FBXW11: variants seen among roughly 807,000 people sequenced by gnomAD.
FBXW11 encodes F-box and WD repeat domain containing 11.
A neutral mutation model predicts 77.6 loss-of-function variants in FBXW11; 19 were observed. That is an observed-to-expected ratio of 0.24 (90% CI 0.17 to 0.36). The LOEUF is 0.36. FBXW11 is among the 10% of genes least tolerant of loss of function. FBXW11 has a pLI of 1.00. For synonymous variants in FBXW11, 235 were observed against 249.4 expected (o/e 0.94, Z 0.54); for missense variants, 334 against 704.2 (o/e 0.47, Z 5.95).
intron 7 of FBXW11, among the ~76,000 whole-genome samples, chr5:171,891,258 G>C (rs1213953893): frequency 6.6e-6 from 1 of 152,072 alleles, no homozygotes; most frequent in Admixed American, 6.6e-5. Context: ...AATGTGCTTA[G>C]AGAAGGATAA....
intron 5 of FBXW11, 45 bp from the exon 6 acceptor site, chr5:171,899,139 G>T (rs745925723): frequency 5.3e-6 from 7 of 1,320,458 alleles, no homozygotes; most frequent in Non-Finnish European, 7.5e-6. Flanking sequence ...GCACATAAAA[G>T]GGTGAATTTT....
intron 1 of FBXW11, among the ~76,000 whole-genome samples, chr5:171,985,965 A>T (rs994510214): frequency 6.6e-6 from 1 of 152,098 alleles, no homozygotes; most frequent in Non-Finnish European, 1.5e-5. Context: ...AAAAATTAAA[A>T]ATGTATATGA....
chr5:171,908,530 C>T (rs1760675733), intron 4 of FBXW11, among the ~76,000 whole-genome samples: 1 of 152,120 alleles, frequency 6.6e-6, no homozygotes, highest in Non-Finnish European at 1.5e-5. Context: ...AGATCCCCTT[C>T]AGCAATTAAA....
intron 5 of FBXW11, among the ~76,000 whole-genome samples, chr5:171,899,659 G>A (rs1035805403): frequency 6.7e-6 from 1 of 149,372 alleles, no homozygotes; most frequent in African/African-American, 2.5e-5. Context: ...AAAATGTGAA[G>A]GAAAAAACAT....
chr5:171,873,161 A>T lies in FBXW11; in HGVS notation c.1222-171T>A, dbSNP rs572021681. 3.9e-4 allele frequency among the ~76,000 whole-genome samples: 59 copies of T among 152,280 alleles called. 3 individuals carry two copies. The South Asian group carries it at 0.011, about 28-fold the overall frequency. On this transcript the variant is annotated intron_variant, in intron 9 of 13. Transcript: ENST00000517395. Reference sequence around the variant, plus strand: ...TGGGGGGCAGACTAGACAGCATAAAATTTTCTTGGCTGCTGAGTAATAACA... The same window carrying T: ...TGGGGGGCAGACTAGACAGCATAAATTTTTCTTGGCTGCTGAGTAATAACA...
chr5:171,948,761 T>C (rs982816387), intron 2 of FBXW11, among the ~76,000 whole-genome samples: 1 of 152,196 alleles, frequency 6.6e-6, no homozygotes, highest in Admixed American at 6.5e-5. Context: ...TTTTTTAATG[T>C]GTTCTGAATT....
At chr5:171,962,614 A>C (rs1763969385) in intron 1 of FBXW11, among the ~76,000 whole-genome samples, 1 of 152,214 alleles carries the variant, frequency 6.6e-6, no homozygotes, top group Non-Finnish European at 1.5e-5. Context: ...AAGTCAGTAA[A>C]GACAAAAAGA....
At chr5:171,915,338 C>T (rs909957147) in intron 2 of FBXW11, among the ~76,000 whole-genome samples, 1 of 152,086 alleles carries the variant, frequency 6.6e-6, no homozygotes, top group African/African-American at 2.4e-5. Flanking sequence ...TTACAAGATC[C>T]TGTTTGTTGT....
chr5:171,901,421 TG>T, intron 4 of FBXW11, among the ~76,000 whole-genome samples: 1 of 152,334 alleles, frequency 6.6e-6, no homozygotes, highest in East Asian at 1.9e-4. Context: ...AGATGATGCA[TG>T]AAAAATGCTT....
intron 2 of FBXW11, among the ~76,000 whole-genome samples, chr5:171,948,709 G>C (rs1373708065): frequency 6.6e-6 from 1 of 152,166 alleles, no homozygotes; most frequent in African/African-American, 2.4e-5. Context: ...AATGTCTATA[G>C]TATCAGGTAC....
intron 2 of FBXW11, among the ~76,000 whole-genome samples, chr5:171,933,346 T>A (rs573974669): frequency 6.6e-6 from 1 of 152,228 alleles, no homozygotes; most frequent in South Asian, 2.1e-4. Flanking sequence ...AATTAGTGAT[T>A]GTCAGGAAGG....
chr5:171,962,300 G>A (rs906514779), intron 1 of FBXW11, among the ~76,000 whole-genome samples: 1 of 152,004 alleles, frequency 6.6e-6, no homozygotes, highest in African/African-American at 2.4e-5. Flanking sequence ...GAGGATCATA[G>A]TGGGGATACT....
At chr5:171,972,449 CA>C (rs1404917972) in intron 1 of FBXW11, among the ~76,000 whole-genome samples, 2 of 119,704 alleles carry the variant, frequency 1.7e-5, no homozygotes, top group Admixed American at 2.4e-4. Flanking sequence ...TACAGTGAGC[CA>C]AGATCATGCC....
intron 2 of FBXW11, among the ~76,000 whole-genome samples, chr5:171,928,467 G>A (rs981563465): frequency 5.3e-5 from 8 of 152,124 alleles, no homozygotes; most frequent in Admixed American, 4.6e-4. Flanking sequence ...GAATTAAACT[G>A]GACTTCAATC....
chr5:171,956,210 A>G (rs989613766), intron 2 of FBXW11, among the ~76,000 whole-genome samples: 2 of 152,256 alleles, frequency 1.3e-5, no homozygotes, highest in African/African-American at 2.4e-5. Context: ...CTATTATAAT[A>G]ACGCAAATAT....
At position 171,869,676 on chromosome 5, in the gene FBXW11, A is replaced by G; in HGVS notation, c.1530+53T>C. ...ATACACCTAGACAGGACTATCTGCA[A>G]ATGGTCATCCTCCAGCACAGGGAAC... On this transcript the variant is annotated intron_variant, in intron 12 of 13. Transcript: ENST00000517395. The surrounding 1 kb of genome is among the most constrained non-coding windows in gnomAD (Gnocchi z 4.1). 7.1e-7 allele frequency: 1 copy of G among 1,411,164 alleles called. No individual in the cohort carries two copies. Among genetic ancestry groups the G allele is most frequent in the Non-Finnish European group, 9.8e-7 (1 of 1,018,728 alleles). 87.4% of individuals were successfully genotyped at this position (1,411,164 alleles called of 1,614,324 possible). A position where few individuals can be genotyped will look rare whatever the true frequency, so the allele number is the denominator to read the frequency against.
intron 1 of FBXW11, among the ~76,000 whole-genome samples, chr5:171,962,268 G>A (rs569085290): frequency 6.6e-6 from 1 of 152,232 alleles, no homozygotes; most frequent in East Asian, 1.9e-4. Context: ...CTTTAGCCTT[G>A]AGCTCAAGAG....
At position 171,914,353 on chromosome 5, in the gene FBXW11, G is replaced by A. The variant is rs759843423; in HGVS notation, c.200C>T (p.Thr67Ile). Residue 67 changes from threonine (T) to isoleucine (I), a missense_variant, in exon 3 of 14, where the codon ACT (threonine) becomes ATT (isoleucine). This residue lies in a region of FBXW11 where 80 missense variants were observed against 105.1 expected (regional missense o/e 0.76). Transcript: ENST00000517395. ...QNEDESPKKN[T>I]LWQISNGTSS... is the part of the protein sequence containing the mutation. ...CGCCGTCATTCCTACCTGCCAAAGA[G>A]TATTTTTCTTTGGGGACTCATCTTC... 2.5e-6 allele frequency: 4 copies of A among 1,604,852 alleles called. No individual in the cohort carries two copies. In the African/African-American group the frequency reaches 5.4e-5, roughly 22 times the overall value.
chr5:171,963,202 CACACAT>C (rs903322560), intron 1 of FBXW11, among the ~76,000 whole-genome samples: 17 of 118,466 alleles, frequency 1.4e-4, no homozygotes, highest in African/African-American at 4.1e-4. Context: ...CACACACACA[CACACAT>C]ATATATATAC....
Sources: gnomAD v4.1 joint callset for allele counts (sites outside exome capture counted in the v4.1 genomes callset) on GRCh38, gnomAD v4.1.1 for gene constraint, gnomAD v4.1.1 regional missense constraint, Gnocchi (gnomAD v3.1) non-coding constraint, MANE v1.5 for transcripts, NCBI Gene and HGNC (gene_info 2026-07-23, HGNC 2026-07-21) for gene names.